NBEAL2: variants seen among roughly 807,000 people sequenced by gnomAD.
NBEAL2 encodes the protein neurobeachin like 2, also known as neurobeachin-like protein 2.
A neutral mutation model predicts 299.8 loss-of-function variants in NBEAL2; 160 were observed. The ratio of observed to expected loss-of-function variants is 0.53; its 90% CI spans 0.47 to 0.61. The LOEUF (loss-of-function observed/expected upper bound fraction) is 0.61, where lower values mean the gene tolerates loss of function less well. Ranked by LOEUF, NBEAL2 falls within the 20% of genes least tolerant of loss-of-function variation. The pLI, the probability that NBEAL2 is intolerant of heterozygous loss-of-function variation, is 0.00. For missense variants in NBEAL2, 3,112 were observed against 3,649.0 expected (o/e 0.85, Z 3.79); for synonymous variants, 1,493 against 1,542.3 (o/e 0.97, Z 0.75).
chr3:46,997,210 C>T (rs1559599254), intron 18 of NBEAL2, 49 bp from the exon 19 acceptor site: 5 of 1,606,436 alleles, frequency 3.1e-6, no homozygotes, highest in Admixed American at 3.4e-5. Flanking sequence ...TGGAGTAGGG[C>T]AGGAAACTGG....
rs764054412 is a variant in NBEAL2 at position 46,988,953 on chromosome 3, C to G, written c.252C>G (p.Leu84=). Residue 84 remains leucine, a synonymous_variant, in exon 3 of 54, where the codon CTC becomes CTG. Transcript: ENST00000450053. This position sits in a 1 kb window ranked among gnomAD's most constrained non-coding sequence, Gnocchi z 4.4. ...AGCAAGCCCTCCTGCTGCTCAAGCTCTTCATCATTCTCTGCAGGTGTCTCT... is the reference window on the plus strand; with the variant it reads ...AGCAAGCCCTCCTGCTGCTCAAGCTGTTCATCATTCTCTGCAGGTGTCTCT... ...DLEQALLLLK[L]FIILCRNLEN... is the part of the protein sequence containing the mutation. 19 of 1,612,770 alleles carry G rather than the reference C, an allele frequency of 1.2e-5. No individual in the cohort carries two copies. Among genetic ancestry groups the G allele is most frequent in the Non-Finnish European group, 1.5e-5 (18 of 1,179,114 alleles).
intron 20 of NBEAL2, 84 bp from the exon 21 acceptor site, chr3:46,997,983 G>C (rs1427802378): frequency 6.9e-7 from 1 of 1,451,002 alleles, no homozygotes; most frequent in East Asian, 2.5e-5. Flanking sequence ...CGTCATGGCT[G>C]TGCAGGGAAG....
At chr3:46,987,598 C>T (rs1252162312) in intron 1 of NBEAL2, among the ~76,000 whole-genome samples, 3 of 152,134 alleles carry the variant, frequency 2.0e-5, no homozygotes, top group East Asian at 1.9e-4. Flanking sequence ...GGCGGCGGGG[C>T]GGGACAAAGG....
Position 46,996,281 on chromosome 3 carries a change from C to G in NBEAL2, c.2162C>G (p.Ser721Cys). 1 of 1,607,210 alleles carries G rather than the reference C, an allele frequency of 6.2e-7. No individual in the cohort carries two copies. Among genetic ancestry groups the G allele is most frequent in the Non-Finnish European group, 8.5e-7 (1 of 1,179,824 alleles). The change falls in exon 16 of 54, where the codon TCC becomes TGC. Residue 721 changes from serine to cysteine, a missense_variant. Transcript: ENST00000450053. ...ACCCCGGCCCCACAGCCTTTCTCCT[C>G]CTGCTGTATCGGCTCCGCTGGATAC... ...RCPSLSEPFS[S>C]CCIGSAGYRT...
chr3:46,995,027 C>A lies in NBEAL2; in HGVS notation c.1297-5C>A. ...ACCAGGGACTGTCATTCTCTCCACC[C>A]ACAGGCTGTGGAGGGTGACCACAGC... On this transcript the variant is annotated splice_polypyrimidine_tract_variant and splice_region_variant and intron_variant, in intron 12 of 53. Coordinates refer to ENST00000450053, the MANE Select transcript of NBEAL2 (RefSeq NM_015175.3). The A allele has an allele frequency of 6.5e-7, 1 of 1,536,742 alleles. No individual in the cohort carries two copies. The highest frequency in any genetic ancestry group is 8.8e-7 in the Non-Finnish European group (1 of 1,133,548).
At position 47,002,529 on chromosome 3, in the gene NBEAL2, C is replaced by A. The variant is rs1298921833; in HGVS notation, c.5301+9C>A. ...GTCGTCGGGCCTTCCAGGTGTGCCA[C>A]CCGGGGTAAGGGATGGGAAACTGCT... On this transcript the variant is annotated intron_variant, in intron 32 of 53. Coordinates refer to ENST00000450053, the MANE Select transcript of NBEAL2 (RefSeq NM_015175.3). The A allele has an allele frequency of 6.2e-7, 1 of 1,612,066 alleles. No individual in the cohort carries two copies. The highest frequency in any genetic ancestry group is 2.2e-5 in the East Asian group (1 of 44,870).
At chr3:46,990,818 G>A (rs766417771) in intron 6 of NBEAL2, among the ~76,000 whole-genome samples, 46 of 152,304 alleles carry the variant, frequency 3.0e-4, no homozygotes, top group Middle Eastern at 6.8e-3. Flanking sequence ...CCCAGAGCAC[G>A]GCATGGGAAG....
Position 47,009,674 on chromosome 3 carries a change from T to C in NBEAL2, c.*354T>C. ...TAACGGCGGCCCCGGTTCTCCCTTC[T>C]CGGCAATAAACCAGGCCTAGTTTTG... On this transcript the variant is annotated 3_prime_UTR_variant, in exon 54 of 54. Coordinates refer to ENST00000450053, the MANE Select transcript of NBEAL2 (RefSeq NM_015175.3). 1 of 308,524 alleles carries C rather than the reference T, an allele frequency of 3.2e-6. No individual in the cohort carries two copies. The highest frequency in any genetic ancestry group is 6.1e-6 in the Non-Finnish European group (1 of 164,394). The allele number at this position is 308,524 out of a possible 1,614,324, so 19.1% of individuals were successfully genotyped here. A position where few individuals can be genotyped will look rare whatever the true frequency, so the allele number is the denominator to read the frequency against.
intron 1 of NBEAL2, among the ~76,000 whole-genome samples, chr3:46,984,072 G>A (rs1015366205): frequency 5.3e-5 from 8 of 151,560 alleles, no homozygotes; most frequent in Non-Finnish European, 1.0e-4. Flanking sequence ...AGGCTGAGGC[G>A]GGCAGATCAC....
Position 47,007,874 on chromosome 3 carries a change from G to C in NBEAL2, c.7566G>C (p.Arg2522=), listed in dbSNP as rs762908007. The C allele has an allele frequency of 4.3e-6, 7 of 1,613,462 alleles. No homozygotes were observed. In the African/African-American group the frequency reaches 9.3e-5, roughly 22 times the overall value. ...GCATCTACCTCATCTCAGGCTCCCG[G>C]GACACCACGTGCATGGTGTGGCGGC... ...TCGIYLISGS[R]DTTCMVWRLL... is the part of the protein sequence containing the mutation. The change falls in exon 49 of 54, where the codon CGG becomes CGC. Residue 2522 remains arginine (R), a synonymous_variant. Transcript: ENST00000450053.
In NBEAL2 at chr3:46,992,546, T is replaced by C; in HGVS notation, c.1104T>C (p.Asp368=). 4 of 1,598,020 alleles carry C rather than the reference T, an allele frequency of 2.5e-6. No homozygotes were observed. The highest frequency in any genetic ancestry group is 2.6e-6 in the Non-Finnish European group (3 of 1,172,752). ...DLATRLLTEP[D]VQKVLDQDTD... ...CTACCCGGTTACTGACTGAGCCCGA[T>C]GTCCAAAAGGTACCATCCTGGGGCT... The change falls in exon 10 of 54, where the codon GAT becomes GAC. Residue 368 remains aspartate (D), a synonymous_variant. Coordinates refer to ENST00000450053, the MANE Select transcript of NBEAL2 (RefSeq NM_015175.3).
At position 46,996,758 on chromosome 3, in the gene NBEAL2, T is replaced by C. The variant is rs1477131069; in HGVS notation, c.2481T>C (p.Asn827=). 6.2e-7 allele frequency: 1 copy of C among 1,612,128 alleles called. No individual in the cohort carries two copies. The highest frequency in any genetic ancestry group is 1.3e-5 in the African/African-American group (1 of 74,874). Residue 827 remains asparagine (N), a synonymous_variant, in exon 17 of 54, where the codon AAT becomes AAC. Transcript: ENST00000450053. ...CCCCTGCCCACCTCCCAGGGCCCAA[T>C]GAGACGGCACCCTTCAAGCCTGAGG... ...ALRTLCTLGP[N]ETAPFKPEGE...
At chr3:46,992,011 T>G (rs1575593804) in intron 9 of NBEAL2, 65 bp downstream of exon 9, 1 of 1,363,544 alleles carries the variant, frequency 7.3e-7, no homozygotes. Context: ...CACGCATAGG[T>G]GCCAGGCTGC....
Position 46,995,099 on chromosome 3 carries a change from T to G in NBEAL2, c.1364T>G (p.Leu455Arg). The G allele has an allele frequency of 6.4e-7, 1 of 1,571,068 alleles. No homozygotes were observed. Among genetic ancestry groups the G allele is most frequent in the Non-Finnish European group, 8.6e-7 (1 of 1,157,676 alleles). ...CGCAACGAGCAGCCGGTACTGGTGC[T>G]GGCGCAGTGGCTGCCGTCATTGCCC... ...PIRNEQPVLV[L>R]AQWLPSLPTA... Residue 455 changes from leucine to arginine, a missense_variant, in exon 13 of 54, where the codon CTG (leucine) becomes CGG (arginine). Physicochemically the swap from Leu to Arg is moderately radical, Grantham distance 102 (BLOSUM62 -2). Around this residue, in one of 3 missense-constraint regions of NBEAL2, gnomAD observed 2,243 missense variants for 2,538.1 expected, o/e 0.88. Transcript: ENST00000450053.
intron 1 of NBEAL2, among the ~76,000 whole-genome samples, chr3:46,980,645 G>C (rs1308473665): frequency 6.6e-6 from 1 of 152,148 alleles, no homozygotes; most frequent in African/African-American, 2.4e-5. Context: ...CGTTCCTCCT[G>C]AGCTCCCCAC....
intron 1 of NBEAL2, among the ~76,000 whole-genome samples, chr3:46,984,277 G>C (rs553353595): frequency 1.6e-4 from 25 of 152,278 alleles, no homozygotes; most frequent in African/African-American, 5.3e-4. Flanking sequence ...CTGCACTCCA[G>C]CCTGGGCCGG....
In NBEAL2 at chr3:46,991,188, G is replaced by T; in HGVS notation, c.557-31G>T. ...GGGTCCATAGCCCTGCAACCTTGGT[G>T]ACATTACCCTGCCCACACCCCCCTA... is the stretch of plus-strand genomic sequence containing the variant. On this transcript the variant is annotated intron_variant, in intron 6 of 53. Transcript: ENST00000450053. This position sits in a 1 kb window ranked among gnomAD's most constrained non-coding sequence, Gnocchi z 6.2. 6.4e-7 allele frequency: 1 copy of T among 1,565,838 alleles called. No individual in the cohort carries two copies. Among genetic ancestry groups the T allele is most frequent in the African/African-American group, 1.4e-5 (1 of 73,714 alleles).
Position 46,999,430 on chromosome 3 carries a change from C to T in NBEAL2, c.3659C>T (p.Ser1220Phe), listed in dbSNP as rs531780087. 1,071 of 1,587,338 alleles carry T rather than the reference C, an allele frequency of 6.7e-4. 11 individuals are homozygous for T. In the South Asian group the frequency reaches 0.012, roughly 17 times the overall value. Residue 1220 changes from serine to phenylalanine, a missense_variant, in exon 25 of 54, where the codon TCC (serine) becomes TTC (phenylalanine). Transcript: ENST00000450053. ...LVACLPEGTV[S>F]PQLCQGLYKL... ...GCCTGCTTGCCTGAGGGGACTGTTT[C>T]CCCCCAGCTCTGCCAGGGCCTCTAC...
intron 12 of NBEAL2, 107 bp downstream of exon 12, chr3:46,994,660 A>T: frequency 2.1e-6 from 2 of 953,304 alleles, no homozygotes; most frequent in South Asian, 3.1e-5. Context: ...GACTGCGGCC[A>T]GTACATACTG....
Sources: gnomAD v4.1 joint callset for allele counts (sites outside exome capture counted in the v4.1 genomes callset) on GRCh38, gnomAD v4.1.1 for gene constraint, gnomAD v4.1.1 regional missense constraint, Gnocchi (gnomAD v3.1) non-coding constraint, MANE v1.5 for transcripts, NCBI Gene and HGNC (gene_info 2026-07-23, HGNC 2026-07-21) for gene names.